TMEM117: variants seen among roughly 807,000 people sequenced by gnomAD.
The protein encoded by TMEM117 is transmembrane protein 117.
TMEM117 carries 27 observed loss-of-function variants against 52.4 expected under a neutral mutation model. That is an observed-to-expected ratio of 0.51 (90% CI 0.38 to 0.71). The LOEUF (loss-of-function observed/expected upper bound fraction) is 0.71. TMEM117 is among the 30% of genes least tolerant of loss of function. The pLI, the probability that TMEM117 is intolerant of heterozygous loss-of-function variation, is 0.00. For synonymous variants in TMEM117, 215 were observed against 206.3 expected, an observed-to-expected ratio of 1.04 and a Z score of -0.36; for missense variants, 556 against 630.5, an observed-to-expected ratio of 0.88 and a Z score of 1.26.
chr12:44,060,356 G>A (rs1251470634), intron 3 of TMEM117, among the ~76,000 whole-genome samples: 3 of 152,192 alleles, frequency 2.0e-5, no homozygotes, highest in Non-Finnish European at 4.4e-5. Flanking sequence ...GGTGGAATTT[G>A]TCTAGTCTTT....
At chr12:44,173,404 A>G (rs1301326468) in intron 4 of TMEM117, among the ~76,000 whole-genome samples, 1 of 151,992 alleles carries the variant, frequency 6.6e-6, no homozygotes, top group Non-Finnish European at 1.5e-5. Context: ...TAATTTAATA[A>G]CTTTCTTCAT....
chr12:43,850,746 T>C (rs1411790940), intron 2 of TMEM117, among the ~76,000 whole-genome samples: 5 of 152,218 alleles, frequency 3.3e-5, no homozygotes, highest in Admixed American at 6.5e-5. Context: ...AATGTTCTTA[T>C]TGGCTTGGTA....
intron 4 of TMEM117, among the ~76,000 whole-genome samples, chr12:44,171,013 CTTTTTTTTT>C (rs757855409): frequency 2.3e-5 from 3 of 132,142 alleles, no homozygotes; most frequent in Admixed American, 1.5e-4. Flanking sequence ...TAACAAATAT[CTTTTTTTTT>C]TTTTTTTTTT....
intron 2 of TMEM117, among the ~76,000 whole-genome samples, chr12:43,914,769 A>C (rs912610417): frequency 2.0e-5 from 3 of 152,186 alleles, no homozygotes; most frequent in African/African-American, 7.2e-5. Context: ...GGGTATGTGG[A>C]AACTTTGAGA....
the TMEM117 span, among the ~76,000 whole-genome samples, chr12:43,809,024 A>G: frequency 1.3e-5 from 2 of 152,276 alleles, no homozygotes; most frequent in East Asian, 1.9e-4. Flanking sequence ...GACCTATGAA[A>G]TGGTAGTTTA....
chr12:43,935,906 AG>A (rs1386730789), intron 2 of TMEM117, among the ~76,000 whole-genome samples: 1 of 152,204 alleles, frequency 6.6e-6, no homozygotes, highest in Non-Finnish European at 1.5e-5. Context: ...TATCCCAGGC[AG>A]AGGGTTCAGC....
chr12:44,114,621 T>C (rs1222623751), intron 3 of TMEM117, among the ~76,000 whole-genome samples: 1 of 152,188 alleles, frequency 6.6e-6, no homozygotes, highest in Non-Finnish European at 1.5e-5. Flanking sequence ...TCTCTGTGCT[T>C]TGTTTTCTCC....
chr12:44,301,968 A>T (rs1220537836), intron 6 of TMEM117, among the ~76,000 whole-genome samples: 1 of 152,200 alleles, frequency 6.6e-6, no homozygotes, highest in East Asian at 1.9e-4. Context: ...AGATGAGTAA[A>T]AAATTAGCCC....
intron 5 of TMEM117, among the ~76,000 whole-genome samples, chr12:44,234,086 GTGTCTC>G (rs149362080): frequency 0.02 from 2,972 of 151,102 alleles, 56 homozygotes; most frequent in South Asian, 0.053. Context: ...CACTATCCTT[GTGTCTC>G]TATCCCGATT....
chr12:43,806,730 T>C, the TMEM117 span, among the ~76,000 whole-genome samples: 4 of 152,368 alleles, frequency 2.6e-5, no homozygotes, highest in African/African-American at 9.6e-5. Flanking sequence ...CCGTTTAGTG[T>C]AGAAAAGCCT....
intron 2 of TMEM117, among the ~76,000 whole-genome samples, chr12:43,901,503 G>T (rs1944304536): frequency 6.6e-6 from 1 of 151,976 alleles, no homozygotes; most frequent in Non-Finnish European, 1.5e-5. Context: ...TAAGAGACGG[G>T]GTTTCACTAT....
chr12:44,295,393 G>A (rs1175739939), intron 5 of TMEM117, among the ~76,000 whole-genome samples: 1 of 151,950 alleles, frequency 6.6e-6, no homozygotes, highest in East Asian at 1.9e-4. Context: ...CTTTTTTTAA[G>A]AGACAGGGTT....
chr12:44,220,924 AAAG>A (rs1326962588), intron 5 of TMEM117, among the ~76,000 whole-genome samples: 3 of 152,186 alleles, frequency 2.0e-5, no homozygotes, highest in Non-Finnish European at 4.4e-5. Context: ...AGTAAATTGG[AAAG>A]AAGAGACAAA....
intron 6 of TMEM117, among the ~76,000 whole-genome samples, chr12:44,328,715 T>A (rs561692144): frequency 6.6e-6 from 1 of 152,214 alleles, no homozygotes; most frequent in African/African-American, 2.4e-5. Flanking sequence ...AATTCTAGAA[T>A]CTTCTTGTAG....
At chr12:44,069,503 G>T (rs904447994) in intron 3 of TMEM117, among the ~76,000 whole-genome samples, 8 of 152,148 alleles carry the variant, frequency 5.3e-5, no homozygotes, top group Non-Finnish European at 1.2e-4. Flanking sequence ...GTTGATTCAA[G>T]ACCAAGAAGC....
the TMEM117 span, among the ~76,000 whole-genome samples, chr12:43,814,305 T>A: frequency 6.6e-6 from 1 of 152,148 alleles, no homozygotes; most frequent in Non-Finnish European, 1.5e-5. Flanking sequence ...AGCAGGGTCA[T>A]CTTTGAACAA....
the TMEM117 span, among the ~76,000 whole-genome samples, chr12:44,395,134 C>T: frequency 3.9e-5 from 6 of 152,276 alleles, no homozygotes; most frequent in East Asian, 1.2e-3. Flanking sequence ...ATAACTCTAA[C>T]AATTACTCTT....
chr12:44,172,549 C>T (rs1336049066), intron 4 of TMEM117, among the ~76,000 whole-genome samples: 1 of 152,184 alleles, frequency 6.6e-6, no homozygotes, highest in African/African-American at 2.4e-5. Context: ...TCCAGTATGA[C>T]ATCTTAACTA....
At chr12:44,134,660 C>T (rs1433341303) in intron 3 of TMEM117, among the ~76,000 whole-genome samples, 1 of 152,194 alleles carries the variant, frequency 6.6e-6, no homozygotes. Context: ...CTACCAACTA[C>T]ACTGATGGCT....
Sources: gnomAD v4.1 joint callset for allele counts (sites outside exome capture counted in the v4.1 genomes callset) on GRCh38, gnomAD v4.1.1 for gene constraint, MANE v1.5 for transcripts, NCBI Gene and HGNC (gene_info 2026-07-23, HGNC 2026-07-21) for gene names.